RYR1: variants seen among roughly 807,000 people sequenced by gnomAD.
RYR1 encodes ryanodine receptor 1.
A neutral mutation model predicts 583.5 loss-of-function variants in RYR1; 342 were observed. The observed-to-expected ratio is 0.59, with a 90% CI of 0.54 to 0.64. The LOEUF is 0.64. Among genes scored for constraint, RYR1 ranks in the 30% least tolerant of loss-of-function variants. The pLI, the probability that RYR1 is intolerant of heterozygous loss-of-function variation, is 0.00. For missense variants in RYR1, 6,032 were observed against 6,917.2 expected (o/e 0.87, Z 4.54); for synonymous variants, 2,791 against 2,822.5 (o/e 0.99, Z 0.35).
chr19:38,498,987 G>T, intron 42 of RYR1, 121 bp from the exon 43 acceptor site: 1 of 1,333,626 alleles, frequency 7.5e-7, no homozygotes. Flanking sequence ...CTAATGGGCC[G>T]AGGGATCAGA....
intron 101 of RYR1, among the ~76,000 whole-genome samples, chr19:38,580,797 C>T (rs954383059): frequency 1.3e-5 from 2 of 152,132 alleles, no homozygotes; most frequent in Admixed American, 6.6e-5. Flanking sequence ...TAGTGAGCTA[C>T]GAATGGGCCA....
chr19:38,463,141 G>GGGGGGGGGCCC, intron 20 of RYR1, among the ~76,000 whole-genome samples: 2 of 32,960 alleles, frequency 6.1e-5, no homozygotes, highest in South Asian at 9.5e-4. Flanking sequence ...CAGGCGATCT[G>GGGGGGGGGCCC]CCCCCCCCCC....
chr19:38,533,614 A>G (rs1971835222), intron 78 of RYR1, among the ~76,000 whole-genome samples: 1 of 152,122 alleles, frequency 6.6e-6, no homozygotes, highest in South Asian at 2.1e-4. Flanking sequence ...CAACATGGTG[A>G]AACCCCATCT....
Position 38,440,829 on chromosome 19 carries a change from C to T in RYR1, c.130C>T (p.Arg44Cys), listed in dbSNP as rs193922748. The T allele has an allele frequency of 2.5e-6, 4 of 1,611,116 alleles. No individual in the cohort carries two copies. Among genetic ancestry groups the T allele is most frequent in the Admixed American group, 1.7e-5 (1 of 59,668 alleles). ...LCLAAEGFGN[R>C]LCFLEPTSNA... ...CCTGGCCGCCGAGGGCTTCGGCAAC[C>T]GCCTGTGCTTCCTGGAGCCCACTAG... The change falls in exon 2 of 106, where the codon CGC becomes TGC. Residue 44 changes from arginine (R) to cysteine (C), a missense_variant. Around this residue, in one of 11 missense-constraint regions of RYR1, gnomAD observed 71 missense variants for 75.3 expected, o/e 0.94. Coordinates refer to ENST00000359596, the MANE Select transcript of RYR1 (RefSeq NM_000540.3).
chr19:38,529,306 C>T (rs1275782359), intron 76 of RYR1, among the ~76,000 whole-genome samples: 1 of 152,224 alleles, frequency 6.6e-6, no homozygotes, highest in Non-Finnish European at 1.5e-5. Flanking sequence ...TATGGCAAAA[C>T]CCCGTTTCTA....
Position 38,561,569 on chromosome 19 carries a change from G to A in RYR1, c.12624+115G>A. The A allele has an allele frequency of 9.9e-7, 1 of 1,006,184 alleles. No individual in the cohort carries two copies. The highest frequency in any genetic ancestry group is 1.5e-6 in the Non-Finnish European group (1 of 689,102). The allele number at this position is 1,006,184 out of a possible 1,614,324, so 62.3% of individuals were successfully genotyped here. A position where few individuals can be genotyped will look rare whatever the true frequency, so the allele number is the denominator to read the frequency against. The stretch of plus-strand genomic sequence containing the variant: ...TGTGCGTGCCTCGCATATCTGCCCT[G>A]CTCCGGCAAGCCCACGCCCACCCTT... On this transcript the variant is annotated intron_variant, in intron 90 of 105. Coordinates refer to ENST00000359596, the MANE Select transcript of RYR1 (RefSeq NM_000540.3). The surrounding 1 kb of genome is among the most constrained non-coding windows in gnomAD (Gnocchi z 4.8).
chr19:38,573,330 A>C (rs961236012), intron 96 of RYR1, 23 bp downstream of exon 96: 5 of 1,610,528 alleles, frequency 3.1e-6, no homozygotes, highest in Non-Finnish European at 4.2e-6. Flanking sequence ...CCCCCACCTC[A>C]GGGTGGCAGC....
intron 42 of RYR1, among the ~76,000 whole-genome samples, chr19:38,497,970 TAAAA>T (rs546898242): frequency 1.4e-5 from 2 of 146,598 alleles, no homozygotes; most frequent in East Asian, 2.0e-4. Flanking sequence ...CGAGACCCCT[TAAAA>T]AAAAAAGTGG....
rs912024995 is a variant in RYR1, at chr19:38,561,658, G to A, written c.12624+204G>A. On this transcript the variant is annotated intron_variant, in intron 90 of 105. Transcript: ENST00000359596. This position sits in a 1 kb window ranked among gnomAD's most constrained non-coding sequence, Gnocchi z 4.8. The stretch of plus-strand genomic sequence containing the variant: ...TGGCTCGCCCCTGGCCACTTCTTGC[G>A]GACCTGGCCCACACAAGGATGCACA... 6.6e-6 allele frequency among the ~76,000 whole-genome samples: 1 copy of A among 152,192 alleles called. No individual in the cohort carries two copies. The highest frequency in any genetic ancestry group is 1.5e-5 in the Non-Finnish European group (1 of 68,034).
At chr19:38,494,934 C>T (rs893970972) in intron 39 of RYR1, among the ~76,000 whole-genome samples, 1 of 148,068 alleles carries the variant, frequency 6.8e-6, no homozygotes, top group African/African-American at 2.5e-5. Flanking sequence ...CTCACTGCAA[C>T]CTCCGCCTCC....
intron 61 of RYR1, among the ~76,000 whole-genome samples, 169 bp downstream of exon 61, chr19:38,511,779 T>C (rs1970737149): frequency 6.6e-6 from 1 of 152,172 alleles, no homozygotes; most frequent in Non-Finnish European, 1.5e-5. Flanking sequence ...TGAGATGCCC[T>C]GGGCCTGCCC....
intron 96 of RYR1, 31 bp from the exon 97 acceptor site, chr19:38,575,888 A>G (rs1973935091): frequency 6.2e-7 from 1 of 1,613,402 alleles, no homozygotes; most frequent in Admixed American, 1.7e-5. Context: ...CTAACATCTT[A>G]TACTCACGCT....
Position 38,451,787 on chromosome 19 carries a change from C to T in RYR1, c.1146C>T (p.His382=). Residue 382 remains histidine, a synonymous_variant, in exon 12 of 106, where the codon CAC becomes CAT. Transcript: ENST00000359596. ...KKKAMLHQEG[H]MDDALSLTRC... ...AGGCCATGCTGCACCAGGAGGGCCA[C>T]ATGGACGACGCACTGTCGCTGACCC... 6.2e-7 allele frequency: 1 copy of T among 1,614,168 alleles called. No individual in the cohort carries two copies. Among genetic ancestry groups the T allele is most frequent in the Non-Finnish European group, 8.5e-7 (1 of 1,180,026 alleles).
Position 38,460,431 on chromosome 19 carries a change from G to C in RYR1, c.2417G>C (p.Gly806Ala), listed in dbSNP as rs1486278704. ...GAATTCAAGTTCCTGCCCCCACCTG[G>C]CTATGCTCCATGCCATGAGGCTGTG... Reference protein sequence around the residue: ...HGEFKFLPPPGYAPCHEAVLP... With the variant: ...HGEFKFLPPPAYAPCHEAVLP... Residue 806 changes from glycine to alanine, a missense_variant, in exon 20 of 106, where the codon GGC (glycine) becomes GCC (alanine). Transcript: ENST00000359596. 6.2e-7 allele frequency: 1 copy of C among 1,614,032 alleles called. No homozygotes were observed. The highest frequency in any genetic ancestry group is 8.5e-7 in the Non-Finnish European group (1 of 1,180,046).
rs1969975677 is a variant in RYR1 at position 38,499,069 on chromosome 19, C to T, written c.6892-39C>T. 2.5e-6 allele frequency: 4 copies of T among 1,610,048 alleles called. No individual in the cohort carries two copies. In the South Asian group the frequency reaches 4.4e-5, roughly 18 times the overall value. ...GGGCTGAGCCCCAGGAGGAAGGTGG[C>T]ATGGGTCTGGTCTCTGACTGAGCCC... On this transcript the variant is annotated intron_variant, in intron 42 of 105. Coordinates refer to ENST00000359596, the MANE Select transcript of RYR1 (RefSeq NM_000540.3). The surrounding 1 kb of genome is among the most constrained non-coding windows in gnomAD (Gnocchi z 7.3).
chr19:38,527,100 C>T (rs1390147623), intron 72 of RYR1, 48 bp downstream of exon 72: 1 of 1,592,236 alleles, frequency 6.3e-7, no homozygotes, highest in South Asian at 1.1e-5. Flanking sequence ...AGAAAGTAAC[C>T]ACAATATTAG....
chr19:38,562,463 C>T (rs535427896), intron 90 of RYR1, among the ~76,000 whole-genome samples: 30 of 152,202 alleles, frequency 2.0e-4, no homozygotes, highest in Admixed American at 1.1e-3. Flanking sequence ...CCTCAGATGC[C>T]GCCAGGTACT....
chr19:38,467,370 A>G (rs1968165569), intron 24 of RYR1, among the ~76,000 whole-genome samples: 1 of 152,064 alleles, frequency 6.6e-6, no homozygotes, highest in African/African-American at 2.4e-5. Context: ...CTCTGCCAGT[A>G]TCCCTGTTTT....
chr19:38,579,909 T>G (rs1287595583), intron 99 of RYR1, 73 bp from the exon 100 acceptor site: 3 of 1,599,134 alleles, frequency 1.9e-6, no homozygotes, highest in Non-Finnish European at 2.6e-6. Flanking sequence ...GACTCTCGAG[T>G]GGCCCCTACC....
Sources: allele counts gnomAD v4.1 joint callset (sites outside exome capture counted in the v4.1 genomes callset), GRCh38; gene constraint gnomAD v4.1.1; regional missense constraint gnomAD v4.1.1; non-coding constraint Gnocchi (gnomAD v3.1); transcripts MANE v1.5; gene names NCBI Gene and HGNC (gene_info 2026-07-23, HGNC 2026-07-21).